The following TGFBR3 variants were observed in gnomAD, a reference collection of about 807,000 sequenced individuals.
The protein encoded by TGFBR3 is transforming growth factor beta receptor type 3.
Under a neutral mutation model 87.9 loss-of-function variants are expected in TGFBR3, and 46 were observed. That is an observed-to-expected ratio of 0.52 (90% CI 0.41 to 0.67). TGFBR3 has a LOEUF of 0.67. TGFBR3 is among the 30% of genes least tolerant of loss of function. TGFBR3 has a pLI of 0.00. For synonymous variants in TGFBR3, 381 were observed against 391.6 expected, an observed-to-expected ratio of 0.97 and a Z score of 0.32; for missense variants, 866 against 1,041.9, an observed-to-expected ratio of 0.83 and a Z score of 2.32.
intron 3 of TGFBR3, among the ~76,000 whole-genome samples, chr1:91,782,579 C>A (rs538076053): frequency 1.3e-5 from 2 of 152,302 alleles, no homozygotes; most frequent in East Asian, 3.9e-4. Flanking sequence ...TTTTTACCTT[C>A]ATTAAGTGTT....
chr1:91,888,385 T>C (rs1679380039), upstream of TGFBR3, among the ~76,000 whole-genome samples: 1 of 152,246 alleles, frequency 6.6e-6, no homozygotes, highest in African/African-American at 2.4e-5. Flanking sequence ...ACACTTGAAC[T>C]AGGTGTGAAT....
At chr1:91,877,126 G>A (rs924230568) in intron 1 of TGFBR3, among the ~76,000 whole-genome samples, 5 of 151,834 alleles carry the variant, frequency 3.3e-5, no homozygotes, top group African/African-American at 7.3e-5. Context: ...AAGAAAACAC[G>A]TAAATCCCCT....
intron 4 of TGFBR3, among the ~76,000 whole-genome samples, chr1:91,739,539 C>A (rs1261429680): frequency 6.6e-6 from 1 of 152,198 alleles, no homozygotes; most frequent in Admixed American, 6.5e-5. Context: ...TTGACCAAGA[C>A]AAGGCTGAAG....
intron 2 of TGFBR3, among the ~76,000 whole-genome samples, chr1:91,849,898 C>T (rs925363625): frequency 3.9e-5 from 6 of 151,928 alleles, no homozygotes; most frequent in Middle Eastern, 3.4e-3. Context: ...CTGGCTAACA[C>T]GGTGAAACCC....
chr1:91,861,551 C>CGT lies in TGFBR3; in HGVS notation c.-22_-21dup. 1 of 1,606,418 alleles carries CGT rather than the reference C, an allele frequency of 6.2e-7. No homozygotes were observed. ...AGTCATTTTTATTTCTCCAACAGTGCGTCTCGTCCAGTCACTTCAGCCTGC... is the reference window on the plus strand; with the variant it reads ...AGTCATTTTTATTTCTCCAACAGTGCGTGTCTCGTCCAGTCACTTCAGCCTGC... On this transcript the variant is annotated 5_prime_UTR_variant, in exon 2 of 17. Transcript: ENST00000212355.
At chr1:91,865,218 AAG>A (rs765204248) in intron 1 of TGFBR3, among the ~76,000 whole-genome samples, 482 of 135,184 alleles carry the variant, frequency 3.6e-3, no homozygotes, top group African/African-American at 0.012. Flanking sequence ...AAAAAAAAAA[AAG>A]AAAAAAAGAA....
chr1:91,824,965 A>G (rs1276311519), intron 2 of TGFBR3, among the ~76,000 whole-genome samples: 1 of 152,096 alleles, frequency 6.6e-6, no homozygotes, highest in Non-Finnish European at 1.5e-5. Context: ...GTCTCAAAAA[A>G]TAATAACAAT....
At chr1:91,845,016 A>G (rs1279232856) in intron 2 of TGFBR3, among the ~76,000 whole-genome samples, 3 of 152,236 alleles carry the variant, frequency 2.0e-5, no homozygotes, top group Non-Finnish European at 4.4e-5. Flanking sequence ...CCTCACACAG[A>G]GTAAACGTAG....
At chr1:91,889,669 TTTTC>T (rs201222376), upstream of TGFBR3, among the ~76,000 whole-genome samples, 47 of 152,162 alleles carry the variant, frequency 3.1e-4, no homozygotes, top group African/African-American at 8.2e-4. Context: ...CCCCTACCTC[TTTTC>T]TTTCTTTCTT....
At chr1:91,800,951 G>GCA (rs1299026725) in intron 2 of TGFBR3, 10 of 200,426 alleles carry the variant, frequency 5.0e-5, no homozygotes, top group South Asian at 1.4e-4. Flanking sequence ...GGGCTTGGTG[G>GCA]CGTGTACCTG....
At chr1:91,713,230 T>G (rs12118310) in intron 12 of TGFBR3, among the ~76,000 whole-genome samples, 8,040 of 152,288 alleles carry the variant, frequency 0.053, 319 homozygotes, top group Non-Finnish European at 0.08. Flanking sequence ...AGGGGAAATC[T>G]AATCTGGAAA....
chr1:91,867,371 G>A (rs762963129), intron 1 of TGFBR3, among the ~76,000 whole-genome samples: 18 of 152,190 alleles, frequency 1.2e-4, no homozygotes, highest in Non-Finnish European at 2.4e-4. Context: ...TGCCTTCAGA[G>A]GCAAGGTGGG....
chr1:91,865,202 C>CAAAAAAAAAAAAAAAAA (rs67134125), intron 1 of TGFBR3, among the ~76,000 whole-genome samples: 4 of 105,262 alleles, frequency 3.8e-5, no homozygotes, highest in African/African-American at 7.5e-5. Context: ...GACTCCATCT[C>CAAAAAAAAAAAAAAAAA]AAAAAAAAAA....
At chr1:91,804,884 T>C (rs1675773800) in intron 2 of TGFBR3, among the ~76,000 whole-genome samples, 1 of 152,098 alleles carries the variant, frequency 6.6e-6, no homozygotes, top group Non-Finnish European at 1.5e-5. Flanking sequence ...GCCAAGTGAG[T>C]GACATGCTCT....
At chr1:91,753,524 G>A (rs1673630735) in intron 4 of TGFBR3, among the ~76,000 whole-genome samples, 1 of 151,464 alleles carries the variant, frequency 6.6e-6, no homozygotes, top group Non-Finnish European at 1.5e-5. Flanking sequence ...TTCACAAGGT[G>A]TGGTATATTC....
intron 2 of TGFBR3, among the ~76,000 whole-genome samples, chr1:91,858,610 C>CAAAAAAA (rs58608714): frequency 3.8e-5 from 3 of 78,322 alleles, no homozygotes; most frequent in African/African-American, 5.4e-5. Context: ...GACTCTGTCT[C>CAAAAAAA]AAAAAAAAAA....
chr1:91,727,002 T>G (rs1238339998), intron 7 of TGFBR3, among the ~76,000 whole-genome samples: 1 of 152,250 alleles, frequency 6.6e-6, no homozygotes, highest in Admixed American at 6.5e-5. Flanking sequence ...TTGCCCATCA[T>G]GCCAATGGGC....
At chr1:91,793,716 G>A (rs1675273049) in intron 3 of TGFBR3, among the ~76,000 whole-genome samples, 1 of 147,864 alleles carries the variant, frequency 6.8e-6, no homozygotes, top group South Asian at 2.1e-4. Context: ...TGAGGCATGA[G>A]AATTGCTTGA....
chr1:91,865,351 T>C lies in TGFBR3; in HGVS notation c.-113-3707A>G, dbSNP rs575266543. 2.1e-3 allele frequency among the ~76,000 whole-genome samples: 321 copies of C among 151,308 alleles called. 3 individuals are homozygous for C. Among genetic ancestry groups the C allele is most frequent in the African/African-American group, 7.6e-3 (311 of 41,172 alleles). On this transcript the variant is annotated intron_variant, in intron 1 of 16. Transcript: ENST00000212355. The stretch of plus-strand genomic sequence containing the variant: ...GAAATACCTAATGTAAATGATGAGT[T>C]AATGGTTTCAGCAAACCAACATGGC...
Sources: allele counts gnomAD v4.1 joint callset (sites outside exome capture counted in the v4.1 genomes callset), GRCh38; gene constraint gnomAD v4.1.1; transcripts MANE v1.5; gene names NCBI Gene and HGNC (gene_info 2026-07-23, HGNC 2026-07-21).